The following ARHGEF3 variants were observed in gnomAD, a reference collection of about 807,000 sequenced individuals.
The protein encoded by ARHGEF3 is Rho guanine nucleotide exchange factor 3.
ARHGEF3 carries 28 observed loss-of-function variants against 63.2 expected under a neutral mutation model. The observed-to-expected ratio is 0.44, with a 90% confidence interval of 0.33 to 0.61. The LOEUF (loss-of-function observed/expected upper bound fraction) is 0.61, where lower values mean the gene tolerates loss of function less well. Ranked by LOEUF, ARHGEF3 falls within the 20% of genes least tolerant of loss-of-function variation. The pLI, the probability that ARHGEF3 is intolerant of heterozygous loss-of-function variation, is 0.03. For synonymous variants in ARHGEF3, 266 were observed against 254.2 expected (o/e 1.05, Z -0.44); for missense variants, 533 against 659.3 (o/e 0.81, Z 2.10).
At chr3:56,994,064 CAAAAAAAAA>C (rs60299557) in intron 2 of ARHGEF3, among the ~76,000 whole-genome samples, 24,437 of 60,046 alleles carry the variant, frequency 0.41, 4,500 homozygotes, top group Admixed American at 0.53. Context: ...AACTTCGTCT[CAAAAAAAAA>C]AAAAAAAAAA....
intron 3 of ARHGEF3, among the ~76,000 whole-genome samples, chr3:56,918,214 C>A (rs1395888369): frequency 6.6e-6 from 1 of 152,144 alleles, no homozygotes; most frequent in Non-Finnish European, 1.5e-5. Flanking sequence ...CTGGGAAATG[C>A]GGGAGGCTCC....
At chr3:56,768,928 G>C (rs2035861640) in intron 2 of ARHGEF3, among the ~76,000 whole-genome samples, 1 of 152,214 alleles carries the variant, frequency 6.6e-6, no homozygotes, top group African/African-American at 2.4e-5. Context: ...CCCAGACAGA[G>C]ATAAGGCTGA....
chr3:56,822,375 G>A (rs771889757), intron 4 of ARHGEF3, among the ~76,000 whole-genome samples: 7 of 152,180 alleles, frequency 4.6e-5, no homozygotes, highest in Admixed American at 6.5e-5. Flanking sequence ...AATAGGGAAT[G>A]TTTAATTAGA....
intron 4 of ARHGEF3, among the ~76,000 whole-genome samples, chr3:56,855,516 C>G (rs2039839856): frequency 6.6e-6 from 1 of 151,780 alleles, no homozygotes; most frequent in African/African-American, 2.4e-5. Flanking sequence ...AAACCCCTCT[C>G]TACTAAAAAT....
intron 2 of ARHGEF3, among the ~76,000 whole-genome samples, chr3:56,971,609 T>C (rs562483179): frequency 8.3e-4 from 126 of 151,552 alleles, no homozygotes; most frequent in African/African-American, 3.0e-3. Flanking sequence ...TCCAGCACTT[T>C]GGGAGGCCGA....
chr3:56,870,171 T>C (rs2040391050), intron 4 of ARHGEF3, among the ~76,000 whole-genome samples: 1 of 152,142 alleles, frequency 6.6e-6, no homozygotes. Flanking sequence ...AAATAAACTA[T>C]ACCCATCTGT....
chr3:56,854,011 C>T (rs1023556386), intron 4 of ARHGEF3, among the ~76,000 whole-genome samples: 6 of 151,972 alleles, frequency 3.9e-5, no homozygotes, highest in African/African-American at 1.2e-4. Context: ...CTGGCTAACA[C>T]GGTGAAACCC....
intron 3 of ARHGEF3, among the ~76,000 whole-genome samples, chr3:56,889,971 A>T (rs1249585585): frequency 6.6e-6 from 1 of 151,810 alleles, no homozygotes; most frequent in Non-Finnish European, 1.5e-5. Flanking sequence ...CTGAGGCAGG[A>T]GAATCGCTGG....
chr3:56,908,579 C>A (rs1339181493), intron 3 of ARHGEF3, among the ~76,000 whole-genome samples: 1 of 152,140 alleles, frequency 6.6e-6, no homozygotes, highest in South Asian at 2.1e-4. Context: ...AGGGACAAGA[C>A]AACTCAGTTT....
intron 1 of ARHGEF3, among the ~76,000 whole-genome samples, chr3:57,050,769 A>G (rs1255558185): frequency 6.6e-6 from 1 of 152,240 alleles, no homozygotes; most frequent in African/African-American, 2.4e-5. Context: ...GAGTAACACG[A>G]TCAACTTCAC....
chr3:56,778,944 T>G (rs960802274), intron 1 of ARHGEF3, among the ~76,000 whole-genome samples: 1 of 152,198 alleles, frequency 6.6e-6, no homozygotes, highest in Admixed American at 6.5e-5. Context: ...GGCCATAGTT[T>G]GCTGACTGTT....
chr3:57,025,544 C>T (rs1003881052), intron 2 of ARHGEF3, among the ~76,000 whole-genome samples: 14 of 152,172 alleles, frequency 9.2e-5, no homozygotes, highest in African/African-American at 3.4e-4. Context: ...GGAGTATTTA[C>T]AGAAGTAGGC....
chr3:56,770,361 G>A (rs183499113), intron 2 of ARHGEF3, among the ~76,000 whole-genome samples: 27 of 151,940 alleles, frequency 1.8e-4, no homozygotes, highest in Non-Finnish European at 2.4e-4. Context: ...GGTGAGCCAC[G>A]ATCACGCCAC....
intron 1 of ARHGEF3, among the ~76,000 whole-genome samples, chr3:57,064,004 C>T (rs888028958): frequency 3.9e-5 from 6 of 152,224 alleles, no homozygotes; most frequent in Non-Finnish European, 7.3e-5. Context: ...TGCTGGCTCA[C>T]GCCTGTAATC....
intron 1 of ARHGEF3, among the ~76,000 whole-genome samples, chr3:56,784,547 G>A (rs954543866): frequency 1.3e-5 from 2 of 152,164 alleles, no homozygotes; most frequent in African/African-American, 4.8e-5. Context: ...CTGACTTCTT[G>A]GAAACCTTTG....
chr3:56,837,191 A>T (rs967886950), intron 4 of ARHGEF3, among the ~76,000 whole-genome samples: 2 of 152,124 alleles, frequency 1.3e-5, no homozygotes, highest in African/African-American at 4.8e-5. Flanking sequence ...GGTGCTGATT[A>T]AAAAAATGGT....
chr3:57,013,151 C>T (rs1429082634), intron 2 of ARHGEF3, among the ~76,000 whole-genome samples: 1 of 152,252 alleles, frequency 6.6e-6, no homozygotes, highest in Non-Finnish European at 1.5e-5. Flanking sequence ...AGCCCCCCGC[C>T]CTGGCGGTGG....
At chr3:56,749,955 AG>A (rs1295675490) in intron 6 of ARHGEF3, among the ~76,000 whole-genome samples, 5 of 151,474 alleles carry the variant, frequency 3.3e-5, no homozygotes, top group African/African-American at 1.2e-4. Context: ...GAAAGGTTTT[AG>A]GAAGATTAAA....
At position 56,994,064 on chromosome 3, in the gene ARHGEF3, C is replaced by CAAAAAAAAAAAAAAAAAAAAAAAAAAAA. The variant is rs60299557; in HGVS notation, c.63-35176_63-35175insTTTTTTTTTTTTTTTTTTTTTTTTTTTT. 4.5e-4 allele frequency among the ~76,000 whole-genome samples: 27 copies of CAAAAAAAAAAAAAAAAAAAAAAAAAAAA among 59,740 alleles called. 3 individuals are homozygous for CAAAAAAAAAAAAAAAAAAAAAAAAAAAA. The highest frequency in any genetic ancestry group is 6.0e-4 in the Non-Finnish European group (18 of 29,902). 39.2% of individuals were successfully genotyped at this position (59,740 alleles called of 152,430 possible). A position where few individuals can be genotyped will look rare whatever the true frequency, so the allele number is the denominator to read the frequency against. ...GGGCGACAAGAGTGAAACTTCGTCTCAAAAAAAAAAAAAAAAAAAAAGCAC... is the reference window on the plus strand; with the variant it reads ...GGGCGACAAGAGTGAAACTTCGTCTCAAAAAAAAAAAAAAAAAAAAAAAAAAAAAAAAAAAAAAAAAAAAAAAAAGCAC... On this transcript the variant is annotated intron_variant, in intron 2 of 12. Transcript: ENST00000338458.
Sources: gnomAD v4.1 joint callset for allele counts (sites outside exome capture counted in the v4.1 genomes callset) on GRCh38, gnomAD v4.1.1 for gene constraint, MANE v1.5 for transcripts, NCBI Gene and HGNC (gene_info 2026-07-23, HGNC 2026-07-21) for gene names.